Variants in TBC1D23 observed in about 807,000 individuals in gnomAD.
TBC1D23 encodes HCV non-structural protein 4A-transactivated protein 1.
Under a neutral mutation model 91.4 loss-of-function variants are expected in TBC1D23, and 55 were observed. The observed-to-expected ratio is 0.60, with a 90% CI of 0.48 to 0.75. The LOEUF (loss-of-function observed/expected upper bound fraction) is 0.75, where lower values mean the gene tolerates loss of function less well. Among genes scored for constraint, TBC1D23 ranks in the 30% least tolerant of loss-of-function variants. The pLI is 0.00. For missense variants in TBC1D23, 725 were observed against 836.1 expected (o/e 0.87, Z 1.64); for synonymous variants, 289 against 281.0 (o/e 1.03, Z -0.28).
intron 10 of TBC1D23, among the ~76,000 whole-genome samples, chr3:100,301,652 T>G (rs1705434722): frequency 6.6e-6 from 1 of 152,256 alleles, no homozygotes; most frequent in African/African-American, 2.4e-5. Context: ...AAATGCCTTC[T>G]GTTATTTCTG....
intron 1 of TBC1D23, chr3:100,267,342 GTC>G (rs1219282776): frequency 2.7e-6 from 1 of 373,112 alleles, no homozygotes; most frequent in Non-Finnish European, 5.3e-6. Flanking sequence ...GAAATTTAAT[GTC>G]TGTTTGTTTC....
At chr3:100,295,441 T>A in intron 7 of TBC1D23, 93 bp downstream of exon 7, 1 of 989,198 alleles carries the variant, frequency 1.0e-6, no homozygotes, top group Non-Finnish European at 1.5e-6. Flanking sequence ...GAGATTAGTC[T>A]AGAAGAGCTC....
Position 100,283,706 on chromosome 3 carries a change from C to T in TBC1D23, c.371C>T (p.Thr124Ile), listed in dbSNP as rs141968476. The change falls in exon 4 of 19, where the codon ACA becomes ATA. Residue 124 changes from threonine to isoleucine, a missense_variant. Transcript: ENST00000394144. ...YCKSRNIKYS[T>I]SLSWIHLLKP... ...AAATCACGTAACATTAAATATAGCA[C>T]ATCCCTTAGCTGGATACATCTACTG... is the stretch of plus-strand genomic sequence containing the variant. 1 of 1,611,616 alleles carries T rather than the reference C, an allele frequency of 6.2e-7. No homozygotes were observed. Among genetic ancestry groups the T allele is most frequent in the East Asian group, 2.2e-5 (1 of 44,856 alleles).
At chr3:100,268,331 C>T (rs2148849064) in intron 1 of TBC1D23, among the ~76,000 whole-genome samples, 1 of 151,878 alleles carries the variant, frequency 6.6e-6, no homozygotes, top group African/African-American at 2.4e-5. Flanking sequence ...TTAGATTAAC[C>T]ATCAGCATGA....
At chr3:100,289,371 TG>T (rs1247657320) in intron 4 of TBC1D23, among the ~76,000 whole-genome samples, 4 of 152,210 alleles carry the variant, frequency 2.6e-5, no homozygotes, top group African/African-American at 9.6e-5. Flanking sequence ...TGAACTAATG[TG>T]AACATAATAG....
intron 5 of TBC1D23, 121 bp from the exon 6 acceptor site, chr3:100,294,966 C>A (rs1043792604): frequency 3.1e-6 from 3 of 952,706 alleles, no homozygotes; most frequent in Non-Finnish European, 4.6e-6. Flanking sequence ...GATTAAGGTA[C>A]GCATTAAATA....
chr3:100,300,550 G>A (rs1311729622), intron 10 of TBC1D23, among the ~76,000 whole-genome samples: 1 of 144,038 alleles, frequency 6.9e-6, no homozygotes, highest in African/African-American at 2.6e-5. Flanking sequence ...CACTCAGGCT[G>A]GAGTACAGTG....
rs749878488 is a variant in TBC1D23, at chr3:100,295,207, G to C, written c.721G>C (p.Ala241Pro). Residue 241 changes from alanine (A) to proline (P), a missense_variant, in exon 6 of 19, where the codon GCA becomes CCA. By Grantham distance (27) the Ala-to-Pro change is conservative (BLOSUM62 -1). Transcript: ENST00000394144. ...YFLMLIILVN[A>P]KEVILTQESD... is the part of the protein sequence containing the mutation. ...CTTAATGTTAATTATCCTTGTTAATGCAAAGTAAGTATCTGGTTGGTTAGA... is the reference window on the plus strand; with the variant it reads ...CTTAATGTTAATTATCCTTGTTAATCCAAAGTAAGTATCTGGTTGGTTAGA... 4.4e-6 allele frequency: 7 copies of C among 1,599,238 alleles called. No individual in the cohort carries two copies. In the African/African-American group the frequency reaches 9.5e-5, roughly 22 times the overall value.
chr3:100,302,162 G>A lies in TBC1D23; in HGVS notation c.1188G>A (p.Glu396=). The stretch of plus-strand genomic sequence containing the variant: ...AGTCTGGCTCCATAGCTGGTGGGGA[G>A]CACCTCTGTTTTATGGGCAGTGGCA... ...SIESGSIAGG[E]HLCFMGSGRE... is the part of the protein sequence containing the mutation. Residue 396 remains glutamate, a synonymous_variant, in exon 11 of 19, where the codon GAG becomes GAA. Coordinates refer to ENST00000394144, the MANE Select transcript of TBC1D23 (RefSeq NM_001199198.3). 6.2e-7 allele frequency: 1 copy of A among 1,614,000 alleles called. No homozygotes were observed. Among genetic ancestry groups the A allele is most frequent in the Admixed American group, 1.7e-5 (1 of 59,994 alleles).
chr3:100,268,095 G>T (rs1031246727), intron 1 of TBC1D23, among the ~76,000 whole-genome samples: 1 of 152,004 alleles, frequency 6.6e-6, no homozygotes, highest in African/African-American at 2.4e-5. Context: ...TTGCTTTAAC[G>T]GGATGAATCG....
At chr3:100,270,653 T>C (rs957269050) in intron 1 of TBC1D23, among the ~76,000 whole-genome samples, 2 of 152,204 alleles carry the variant, frequency 1.3e-5, no homozygotes, top group Non-Finnish European at 1.5e-5. Flanking sequence ...TTCATTTGTT[T>C]TCTCTTGGCT....
intron 1 of TBC1D23, among the ~76,000 whole-genome samples, chr3:100,278,081 G>A (rs1182883177): frequency 2.0e-5 from 3 of 152,084 alleles, no homozygotes; most frequent in Non-Finnish European, 4.4e-5. Context: ...GGAGAGCAAC[G>A]CTTTATGAAA....
intron 10 of TBC1D23, among the ~76,000 whole-genome samples, chr3:100,299,728 C>G (rs1207102416): frequency 6.6e-6 from 1 of 152,164 alleles, no homozygotes; most frequent in Non-Finnish European, 1.5e-5. Flanking sequence ...CCAGGCTGGT[C>G]TCGAACTCCT....
intron 1 of TBC1D23, among the ~76,000 whole-genome samples, chr3:100,269,582 A>T: frequency 6.6e-6 from 1 of 152,220 alleles, no homozygotes. Context: ...AATAAGTTGC[A>T]CAAGACATAC....
intron 15 of TBC1D23, among the ~76,000 whole-genome samples, chr3:100,313,016 T>TAAA (rs1174035938): frequency 1.3e-5 from 2 of 150,962 alleles, no homozygotes; most frequent in African/African-American, 2.4e-5. Context: ...CAAAAAATAA[T>TAAA]AATAATAATA....
chr3:100,315,177 T>TTG (rs1399211635), intron 15 of TBC1D23, among the ~76,000 whole-genome samples: 1 of 144,512 alleles, frequency 6.9e-6, no homozygotes, highest in Non-Finnish European at 1.5e-5. Context: ...TTTTTTTTTT[T>TTG]TTGAAATGGA....
chr3:100,269,732 C>T (rs1415998876), intron 1 of TBC1D23, among the ~76,000 whole-genome samples: 2 of 152,166 alleles, frequency 1.3e-5, no homozygotes, highest in South Asian at 2.1e-4. Context: ...TTGTAACCAG[C>T]GTCCTAACAA....
intron 18 of TBC1D23, among the ~76,000 whole-genome samples, chr3:100,322,438 T>C (rs1327077086): frequency 6.6e-6 from 1 of 152,176 alleles, no homozygotes; most frequent in Non-Finnish European, 1.5e-5. Flanking sequence ...TATTCTGTTA[T>C]AAGGATTTCT....
chr3:100,266,300 C>T (rs1316586949), intron 1 of TBC1D23, among the ~76,000 whole-genome samples: 2 of 150,880 alleles, frequency 1.3e-5, no homozygotes, highest in Non-Finnish European at 3.0e-5. Context: ...GACGGAGTCT[C>T]ATTCTGTCAC....
Sources: gnomAD v4.1 joint callset for allele counts (sites outside exome capture counted in the v4.1 genomes callset) on GRCh38, gnomAD v4.1.1 for gene constraint, MANE v1.5 for transcripts, NCBI Gene and HGNC (gene_info 2026-07-23, HGNC 2026-07-21) for gene names.